The following APLP2 variants were observed in gnomAD, a reference collection of about 807,000 sequenced individuals.
APLP2 encodes the protein amyloid beta precursor like protein 2, also known as CDEI box-binding protein.
In APLP2, 53 loss-of-function variants were observed where a neutral mutation model predicts 89.9. The ratio of observed to expected loss-of-function variants is 0.59; its 90% CI spans 0.47 to 0.74. The LOEUF (loss-of-function observed/expected upper bound fraction) is 0.74, where lower values mean the gene tolerates loss of function less well. APLP2 is among the 30% of genes least tolerant of loss of function. APLP2 has a pLI of 0.00. For missense variants in APLP2, 973 were observed against 975.9 expected (o/e 1.00, Z 0.04); for synonymous variants, 372 against 348.6 (o/e 1.07, Z -0.75).
rs1944886008 is a variant in APLP2, at chr11:130,090,860, C to T, written c.106-18569C>T. On this transcript the variant is annotated intron_variant, in intron 1 of 16. Transcript: ENST00000338167. ...GGCGGCCGGGCAGAGGCGCCCCTCA[C>T]CTCCCGGACGGGGCGGTTGGCCGGG... 2.6e-5 allele frequency among the ~76,000 whole-genome samples: 4 copies of T among 151,366 alleles called. No homozygotes were observed. The South Asian group carries it at 8.3e-4, about 31-fold the overall frequency.
At chr11:130,099,977 G>C (rs892194249) in intron 1 of APLP2, among the ~76,000 whole-genome samples, 2 of 150,718 alleles carry the variant, frequency 1.3e-5, no homozygotes, top group African/African-American at 5.0e-5. Context: ...TAATAACCCT[G>C]TTTTGTAGAT....
At chr11:130,070,887 C>G (rs1380978591) in intron 1 of APLP2, 2 of 865,958 alleles carry the variant, frequency 2.3e-6, no homozygotes, top group Non-Finnish European at 3.1e-6. Context: ...CTGAGCATCC[C>G]CGCTGCGAGA....
At chr11:130,096,593 C>T (rs1040848401) in intron 1 of APLP2, among the ~76,000 whole-genome samples, 1 of 152,136 alleles carries the variant, frequency 6.6e-6, no homozygotes, top group African/African-American at 2.4e-5. Flanking sequence ...TGCTGCACGT[C>T]TGTGGTCTCA....
intron 8 of APLP2, 139 bp downstream of exon 8, chr11:130,126,969 G>T (rs1169775066): frequency 8.8e-7 from 1 of 1,131,344 alleles, no homozygotes; most frequent in Non-Finnish European, 1.3e-6. Flanking sequence ...AGAGTTACCA[G>T]TGGAGCTGCC....
At position 130,123,089 on chromosome 11, in the gene APLP2, A is replaced by T. The variant is rs867715016; in HGVS notation, c.923-523A>T. Among the ~76,000 whole-genome samples, 19 of 152,066 alleles carry T rather than the reference A, an allele frequency of 1.2e-4. No homozygotes were observed. Among genetic ancestry groups the T allele is most frequent in the Admixed American group, 3.9e-4 (6 of 15,280 alleles). ...GCCTCCTGCTGATCGTATATTTGAAACCAATTAAGATGCGAAGAATTATTT... is the reference window on the plus strand; with the variant it reads ...GCCTCCTGCTGATCGTATATTTGAATCCAATTAAGATGCGAAGAATTATTT... On this transcript the variant is annotated intron_variant, in intron 6 of 16. Transcript: ENST00000338167. This position sits in a 1 kb window ranked among gnomAD's most constrained non-coding sequence, Gnocchi z 4.0.
In APLP2 at chr11:130,141,950, G is replaced by A. The variant is rs201359961; in HGVS notation, c.2030G>A (p.Ser677Asn). The A allele has an allele frequency of 5.0e-6, 8 of 1,611,932 alleles. No individual in the cohort carries two copies. The African/African-American group carries it at 9.3e-5, about 19-fold the overall frequency. Residue 677 changes from serine (S) to asparagine (N), a missense_variant, in exon 16 of 17, where the codon AGT (serine) becomes AAT (asparagine). Ser to Asn is a conservative substitution (Grantham distance 46). Transcript: ENST00000338167. This position sits in a 1 kb window ranked among gnomAD's most constrained non-coding sequence, Gnocchi z 4.2. ...ESVGPLREDF[S>N]LSSSALIGLL... is the part of the protein sequence containing the mutation. Reference sequence around the variant, plus strand: ...GTGGGCCCACTGCGGGAGGACTTCAGTCTGAGTAGCAGTGCTCTCATTGGC... The same window carrying A: ...GTGGGCCCACTGCGGGAGGACTTCAATCTGAGTAGCAGTGCTCTCATTGGC...
chr11:130,144,224 T>A lies in APLP2; in HGVS notation c.*776T>A, dbSNP rs1335288249. On this transcript the variant is annotated 3_prime_UTR_variant, in exon 17 of 17. Coordinates refer to ENST00000338167, the MANE Select transcript of APLP2 (RefSeq NM_001142276.2). ...ATATTTGACATTCTTCACTGTCTGTTGTTTACCTACCGTAGCTTTTTACCG... is the reference window on the plus strand; with the variant it reads ...ATATTTGACATTCTTCACTGTCTGTAGTTTACCTACCGTAGCTTTTTACCG... 6.6e-6 allele frequency: 1 copy of A among 152,416 alleles called. No individual in the cohort carries two copies. The highest frequency in any genetic ancestry group is 1.5e-5 in the Non-Finnish European group (1 of 68,080). 9.4% of individuals were successfully genotyped at this position (152,416 alleles called of 1,614,324 possible).
In APLP2 at chr11:130,135,586, G is replaced by A. The variant is rs1437637185; in HGVS notation, c.1708G>A (p.Ala570Thr). 1.2e-6 allele frequency: 2 copies of A among 1,614,206 alleles called. No homozygotes were observed. Among genetic ancestry groups the A allele is most frequent in the South Asian group, 2.2e-5 (2 of 91,082 alleles). ...EIDELLQEQR[A>T]DMDQFTASIS... is the part of the protein sequence containing the mutation. ...AGATGAGCTCCTTCAGGAGCAGCGTGCAGATATGGACCAGTTCACTGCCTC... is the reference window on the plus strand; with the variant it reads ...AGATGAGCTCCTTCAGGAGCAGCGTACAGATATGGACCAGTTCACTGCCTC... The change falls in exon 13 of 17, where the codon GCA becomes ACA. Residue 570 changes from alanine to threonine, a missense_variant. Ala to Thr is a moderately conservative substitution (Grantham distance 58). Transcript: ENST00000338167.
intron 3 of APLP2, among the ~76,000 whole-genome samples, chr11:130,116,521 C>T (rs941024866): frequency 2.3e-4 from 35 of 152,110 alleles, no homozygotes; most frequent in African/African-American, 3.9e-4. Context: ...ACAGGGTCGC[C>T]GTCACCCAGG....
intron 1 of APLP2, among the ~76,000 whole-genome samples, chr11:130,106,871 T>C (rs1947850926): frequency 6.6e-6 from 1 of 152,034 alleles, no homozygotes; most frequent in Non-Finnish European, 1.5e-5. Context: ...GTATTTTTAG[T>C]AGGGACGGGG....
rs372848665 is a variant in APLP2 at position 130,130,646 on chromosome 11, T to G, written c.1584+480T>G. 3.5e-3 allele frequency among the ~76,000 whole-genome samples: 528 copies of G among 152,354 alleles called. 1 individual carries two copies. Among genetic ancestry groups the G allele is most frequent in the African/African-American group, 0.012 (505 of 41,588 alleles). On this transcript the variant is annotated intron_variant, in intron 11 of 16. Transcript: ENST00000338167. ...TTCATATATTAACTTGAGTTTTACT[T>G]TTTTGTATTCATAAAAATGAGCTTG...
Position 130,129,096 on chromosome 11 carries a change from AAGC to A in APLP2, c.1352_1354del (p.Gln451del). 1 of 1,614,206 alleles carries A rather than the reference AAGC, an allele frequency of 6.2e-7. No homozygotes were observed. On this transcript the variant is annotated inframe_deletion, in exon 10 of 17. Transcript: ENST00000338167. Reference sequence around the variant, plus strand: ...TTTAGAGAAGGAAGCAGCCAGTGAGAAGCAGCAGCTGGTGGAGACCCACCTGGC... The same window carrying A: ...TTTAGAGAAGGAAGCAGCCAGTGAGAAGCAGCTGGTGGAGACCCACCTGGC...
At chr11:130,114,541 C>A (rs1157985499) in intron 3 of APLP2, among the ~76,000 whole-genome samples, 12 of 152,192 alleles carry the variant, frequency 7.9e-5, no homozygotes. Context: ...CCAGTGGGGG[C>A]CCCGTTATGC....
At position 130,127,812 on chromosome 11, in the gene APLP2, C is replaced by G. The variant is rs1352222828; in HGVS notation, c.1268C>G (p.Pro423Arg). ...GCAGAGCTTCAAGCTAAGAACCTCCCCAAAGCAGAGAGGCAGACTCTGATT... is the reference window on the plus strand; with the variant it reads ...GCAGAGCTTCAAGCTAAGAACCTCCGCAAAGCAGAGAGGCAGACTCTGATT... ...EEAELQAKNL[P>R]KAERQTLIQH... Residue 423 changes from proline (P) to arginine (R), a missense_variant, in exon 9 of 17, where the codon CCC (proline) becomes CGC (arginine). Pro to Arg is a moderately radical substitution (Grantham distance 103). Coordinates refer to ENST00000338167, the MANE Select transcript of APLP2 (RefSeq NM_001142276.2). 2 of 1,614,006 alleles carry G rather than the reference C, an allele frequency of 1.2e-6. No homozygotes were observed. Among genetic ancestry groups the G allele is most frequent in the East Asian group, 4.5e-5 (2 of 44,890 alleles).
intron 7 of APLP2, among the ~76,000 whole-genome samples, chr11:130,126,246 C>T (rs529652792): frequency 1.1e-4 from 16 of 152,318 alleles, no homozygotes; most frequent in African/African-American, 3.1e-4. Context: ...GCCAGAAGAG[C>T]AGAGGTACCT....
At chr11:130,078,807 A>G (rs1942606281) in intron 1 of APLP2, among the ~76,000 whole-genome samples, 1 of 151,428 alleles carries the variant, frequency 6.6e-6, no homozygotes, top group Admixed American at 6.6e-5. Context: ...CTTCTATTCC[A>G]TTGTTCTCTT....
In APLP2 at chr11:130,135,127, A is replaced by G. The variant is rs111702538; in HGVS notation, c.1685-436A>G. 3.6e-3 allele frequency among the ~76,000 whole-genome samples: 536 copies of G among 149,842 alleles called. 1 individual carries two copies. The highest frequency in any genetic ancestry group is 0.013 in the African/African-American group (513 of 39,232). On this transcript the variant is annotated intron_variant, in intron 12 of 16. Transcript: ENST00000338167. Reference sequence around the variant, plus strand: ...TACGTCTAGAGATGGGATGGACAGCATGAGGACTGTAGTTAGTAATATCGT... The same window carrying G: ...TACGTCTAGAGATGGGATGGACAGCGTGAGGACTGTAGTTAGTAATATCGT...
rs1950019444 is a variant in APLP2, at chr11:130,123,196, G to GTT, written c.923-415_923-414insTT. Among the ~76,000 whole-genome samples the GTT allele has an allele frequency of 2.6e-5, 4 of 152,140 alleles. No homozygotes were observed. The highest frequency in any genetic ancestry group is 2.6e-4 in the Admixed American group (4 of 15,266). On this transcript the variant is annotated intron_variant, in intron 6 of 16. Coordinates refer to ENST00000338167, the MANE Select transcript of APLP2 (RefSeq NM_001142276.2). The surrounding 1 kb of genome is among the most constrained non-coding windows in gnomAD (Gnocchi z 4.0). ...GAGAACATAAAAGTGGGAAACAATT[G>GTT]TCCGTTCTAGGTGCTTGTCTTTACT...
At chr11:130,117,871 G>A (rs541169683) in intron 3 of APLP2, among the ~76,000 whole-genome samples, 3 of 152,166 alleles carry the variant, frequency 2.0e-5, no homozygotes, top group East Asian at 1.9e-4. Flanking sequence ...TCAGTAGATC[G>A]AGACCATCCT....
Sources: allele counts gnomAD v4.1 joint callset (sites outside exome capture counted in the v4.1 genomes callset), GRCh38; gene constraint gnomAD v4.1.1; non-coding constraint Gnocchi (gnomAD v3.1); transcripts MANE v1.5; gene names NCBI Gene and HGNC (gene_info 2026-07-23, HGNC 2026-07-21).